Variants in RAC1 observed in about 807,000 individuals in gnomAD.
RAC1 encodes ras-related C3 botulinum toxin substrate 1.
A neutral mutation model predicts 25.2 loss-of-function variants in RAC1; 2 were observed. The observed-to-expected ratio is 0.08, with a 90% CI of 0.03 to 0.25. The LOEUF (loss-of-function observed/expected upper bound fraction) is 0.25, where lower values mean the gene tolerates loss of function less well. RAC1 is among the 10% of genes least tolerant of loss of function. The pLI is 1.00. For missense variants in RAC1, 50 were observed against 235.7 expected, an observed-to-expected ratio of 0.21 and a Z score of 5.16; for synonymous variants, 88 against 94.0, an observed-to-expected ratio of 0.94 and a Z score of 0.37.
intron 4 of RAC1, among the ~76,000 whole-genome samples, chr7:6,401,452 AGACCTGAGAC>A (rs372478406): frequency 1.4e-3 from 217 of 152,350 alleles, no homozygotes; most frequent in Non-Finnish European, 2.3e-3. Flanking sequence ...TAATAGCGGC[AGACCTGAGAC>A]CTTGGGCTAG....
chr7:6,397,994 C>T (rs1418431089), intron 3 of RAC1, among the ~76,000 whole-genome samples: 3 of 152,130 alleles, frequency 2.0e-5, no homozygotes, highest in Non-Finnish European at 4.4e-5. Flanking sequence ...GTCTCAAAAA[C>T]GCTTGTCCTT....
At chr7:6,392,985 G>A (rs1783130066) in intron 3 of RAC1, among the ~76,000 whole-genome samples, 1 of 152,210 alleles carries the variant, frequency 6.6e-6, no homozygotes, top group Admixed American at 6.5e-5. Context: ...CTGTTCCTCA[G>A]TGTGCGGGTG....
intron 3 of RAC1, among the ~76,000 whole-genome samples, chr7:6,393,183 T>TA (rs1182437154): frequency 1.3e-5 from 2 of 152,336 alleles, no homozygotes; most frequent in East Asian, 3.9e-4. Flanking sequence ...ATTCAACCAG[T>TA]ACTTCGTTGT....
intron 1 of RAC1, among the ~76,000 whole-genome samples, chr7:6,378,755 G>A (rs1430602465): frequency 6.6e-6 from 1 of 151,838 alleles, no homozygotes; most frequent in Non-Finnish European, 1.5e-5. Flanking sequence ...TTCACTTAGT[G>A]GACCTTTGCC....
intron 2 of RAC1, among the ~76,000 whole-genome samples, chr7:6,387,628 G>C (rs1025351028): frequency 7.9e-5 from 12 of 152,122 alleles, no homozygotes; most frequent in African/African-American, 2.9e-4. Context: ...GGGAGGCTGA[G>C]GCAGGAGAAT....
chr7:6,389,434 A>T lies in RAC1; in HGVS notation c.107+2151A>T, dbSNP rs572999489. 3.3e-3 allele frequency among the ~76,000 whole-genome samples: 494 copies of T among 151,356 alleles called. 4 individuals carry two copies. The highest frequency in any genetic ancestry group is 0.011 in the African/African-American group (461 of 41,176). Reference sequence around the variant, plus strand: ...GTTTGCTCACGCCTGTAATCCCAGCACTTGGGGAGGCTGAGCTGGGCGGAT... The same window carrying T: ...GTTTGCTCACGCCTGTAATCCCAGCTCTTGGGGAGGCTGAGCTGGGCGGAT... On this transcript the variant is annotated intron_variant, in intron 2 of 5. Transcript: ENST00000348035.
intron 3 of RAC1, among the ~76,000 whole-genome samples, chr7:6,396,261 G>C (rs1439297913): frequency 1.3e-5 from 2 of 152,142 alleles, no homozygotes; most frequent in African/African-American, 2.4e-5. Flanking sequence ...AGGTCCTCTT[G>C]AGTGTTACGA....
chr7:6,402,506 A>AT lies in RAC1; in HGVS notation c.*60_*61insT. Reference sequence around the variant, plus strand: ...GGAACCTTTGTACGCTTTGCTCAAAAAAAAACAAAAAAAAAAAACAAAAAA... The same window carrying AT: ...GGAACCTTTGTACGCTTTGCTCAAAATAAAAACAAAAAAAAAAAACAAAAAA... On this transcript the variant is annotated 3_prime_UTR_variant, in exon 6 of 6. Transcript: ENST00000348035. The AT allele has an allele frequency of 1.1e-6, 1 of 890,682 alleles. No homozygotes were observed. Among genetic ancestry groups the AT allele is most frequent in the Admixed American group, 6.0e-5 (1 of 16,568 alleles). The allele number at this position is 890,682 out of a possible 1,614,324, so 55.2% of individuals were successfully genotyped here.
intron 3 of RAC1, among the ~76,000 whole-genome samples, chr7:6,396,840 C>T (rs982214095): frequency 6.6e-6 from 1 of 152,092 alleles, no homozygotes; most frequent in African/African-American, 2.4e-5. Flanking sequence ...ACCATCCTGG[C>T]TAACACGTTG....
chr7:6,394,093 C>T (rs36090756), intron 3 of RAC1, among the ~76,000 whole-genome samples: 1 of 152,128 alleles, frequency 6.6e-6, no homozygotes, highest in Admixed American at 6.5e-5. Flanking sequence ...TGATGTAGCT[C>T]ATCCAAGACT....
chr7:6,401,114 C>T (rs551497144), intron 4 of RAC1, among the ~76,000 whole-genome samples: 1 of 152,116 alleles, frequency 6.6e-6, no homozygotes, highest in African/African-American at 2.4e-5. Flanking sequence ...CGCCAACACA[C>T]CTGGCTAATT....
Position 6,403,601 on chromosome 7 carries a change from TA to T in RAC1, c.*1159del. The T allele has an allele frequency of 4.6e-6, 1 of 215,104 alleles. No homozygotes were observed. Among genetic ancestry groups the T allele is most frequent in the Non-Finnish European group, 9.4e-6 (1 of 106,330 alleles). 13.3% of individuals were successfully genotyped at this position (215,104 alleles called of 1,614,324 possible). A position where few individuals can be genotyped will look rare whatever the true frequency, so the allele number is the denominator to read the frequency against. ...TCATGTGTTGCAGCTTTATAGTTTT[TA>T]AAATATTTTAGATAATTCTTAAACT... On this transcript the variant is annotated 3_prime_UTR_variant, in exon 6 of 6. Coordinates refer to ENST00000348035, the MANE Select transcript of RAC1 (RefSeq NM_006908.5).
At chr7:6,378,511 A>G (rs1057193021) in intron 1 of RAC1, among the ~76,000 whole-genome samples, 2 of 152,058 alleles carry the variant, frequency 1.3e-5, no homozygotes, top group Non-Finnish European at 2.9e-5. Context: ...GTGTCACTGC[A>G]CTCCAGCCTG....
At chr7:6,391,447 C>T (rs1212401960) in intron 2 of RAC1, 1 of 156,770 alleles carries the variant, frequency 6.4e-6, no homozygotes, top group East Asian at 1.9e-4. Flanking sequence ...TATTGGGAGG[C>T]TTGTTAAGTC....
At chr7:6,390,456 C>T (rs545386547) in intron 2 of RAC1, among the ~76,000 whole-genome samples, 10 of 151,752 alleles carry the variant, frequency 6.6e-5, no homozygotes, top group South Asian at 4.2e-4. Flanking sequence ...AAAAATTAAC[C>T]GGGCATGGTG....
chr7:6,378,528 A>T lies in RAC1; in HGVS notation c.35+3758A>T, dbSNP rs148744555. On this transcript the variant is annotated intron_variant, in intron 1 of 5. Transcript: ENST00000348035. ...GTCACTGCACTCCAGCCTGGGCGAC[A>T]AGAGCAAGGCTCTGTCTTGAAAAAA... 5.8e-3 allele frequency among the ~76,000 whole-genome samples: 889 copies of T among 152,288 alleles called. 6 individuals are homozygous for T. The highest frequency in any genetic ancestry group is 0.018 in the African/African-American group (746 of 41,544).
intron 1 of RAC1, among the ~76,000 whole-genome samples, chr7:6,383,863 C>T (rs1268282024): frequency 7.4e-5 from 9 of 122,232 alleles, no homozygotes; most frequent in Admixed American, 5.4e-4. Context: ...AGTGCAATGG[C>T]GCAATCTCGG....
In RAC1 at chr7:6,377,200, G is replaced by T. The variant is rs867807885; in HGVS notation, c.35+2430G>T. ...GTCTGTGGCCTTGAGTTTTCAGTCT[G>T]TTTTTTTTTTTTAATTAGTTATGAG... On this transcript the variant is annotated intron_variant, in intron 1 of 5. Transcript: ENST00000348035. Among the ~76,000 whole-genome samples the T allele has an allele frequency of 2.1e-3, 297 of 141,986 alleles. 1 individual carries two copies. Among genetic ancestry groups the T allele is most frequent in the African/African-American group, 7.0e-3 (278 of 39,618 alleles). The allele number at this position is 141,986 out of a possible 152,430, so 93.1% of individuals were successfully genotyped here.
Position 6,400,154 on chromosome 7 carries a change from T to C in RAC1, c.254T>C (p.Val85Ala). ...GTGTTCTTAATTTGCTTTTCCCTTG[T>C]GAGTCCTGCATCATTTGAAAATGTC... ...TDVFLICFSL[V>A]SPASFENVRA... is the part of the protein sequence containing the mutation. The change falls in exon 4 of 6, where the codon GTG (valine) becomes GCG (alanine). Residue 85 changes from valine (V) to alanine (A), a missense_variant. Physicochemically the swap from Val to Ala is moderately conservative, Grantham distance 64 (BLOSUM62 0). Transcript: ENST00000348035. 1 of 1,612,052 alleles carries C rather than the reference T, an allele frequency of 6.2e-7. No homozygotes were observed. Among genetic ancestry groups the C allele is most frequent in the Non-Finnish European group, 8.5e-7 (1 of 1,179,122 alleles).
Sources: gnomAD v4.1 joint callset for allele counts (sites outside exome capture counted in the v4.1 genomes callset) on GRCh38, gnomAD v4.1.1 for gene constraint, MANE v1.5 for transcripts, NCBI Gene and HGNC (gene_info 2026-07-23, HGNC 2026-07-21) for gene names.